The following SPOCK1 variants were observed in gnomAD, a reference collection of about 807,000 sequenced individuals.
The protein encoded by SPOCK1 is SPARC (osteonectin), cwcv and kazal like domains proteoglycan 1.
SPOCK1 carries 23 observed loss-of-function variants against 55.3 expected under a neutral mutation model. The observed-to-expected ratio is 0.42, with a 90% CI of 0.30 to 0.59. The LOEUF (loss-of-function observed/expected upper bound fraction) is 0.59, where lower values mean the gene tolerates loss of function less well. SPOCK1 is among the 20% of genes least tolerant of loss of function. SPOCK1 has a pLI of 0.22. For synonymous variants in SPOCK1, 226 were observed against 221.0 expected (o/e 1.02, Z -0.20); for missense variants, 499 against 552.5 (o/e 0.90, Z 0.97).
At chr5:137,463,522 G>A (rs1407820162) in intron 2 of SPOCK1, among the ~76,000 whole-genome samples, 11 of 134,370 alleles carry the variant, frequency 8.2e-5, no homozygotes, top group African/African-American at 1.9e-4. Context: ...GCTGGCAAGG[G>A]TAGTGGGGGG....
chr5:137,405,987 C>T (rs1351757531), intron 2 of SPOCK1, among the ~76,000 whole-genome samples: 1 of 152,206 alleles, frequency 6.6e-6, no homozygotes, highest in African/African-American at 2.4e-5. Flanking sequence ...TGGAAGGCAG[C>T]CTGGCTCTGT....
Position 137,073,911 on chromosome 5 carries a change from C to T in SPOCK1, c.475-6082G>A, listed in dbSNP as rs148275225. 1.7e-4 allele frequency among the ~76,000 whole-genome samples: 26 copies of T among 152,276 alleles called. No individual in the cohort carries two copies. The East Asian group carries it at 3.5e-3, about 20-fold the overall frequency. ...AAATGCACACTTTCAATAAAACAAA[C>T]GGCAGTCACCCCTTAACAAAGGGAC... On this transcript the variant is annotated intron_variant, in intron 5 of 10. Transcript: ENST00000394945.
chr5:137,349,221 T>C (rs542929646), intron 2 of SPOCK1, among the ~76,000 whole-genome samples: 4 of 152,310 alleles, frequency 2.6e-5, no homozygotes, highest in African/African-American at 9.6e-5. Flanking sequence ...TACAGAGGGA[T>C]GGGATGGATA....
At chr5:136,985,324 G>T in intron 8 of SPOCK1, 122 bp from the exon 9 acceptor site, 2 of 964,474 alleles carry the variant, frequency 2.1e-6, no homozygotes, top group Non-Finnish European at 3.3e-6. Flanking sequence ...TGTTCCATAT[G>T]CTGTTACTAT....
intron 2 of SPOCK1, among the ~76,000 whole-genome samples, chr5:137,325,122 T>C (rs1211360884): frequency 1.3e-5 from 2 of 152,180 alleles, no homozygotes; most frequent in Non-Finnish European, 2.9e-5. Context: ...GGAAAGGTTT[T>C]TGGGATGGGG....
intron 6 of SPOCK1, among the ~76,000 whole-genome samples, chr5:137,023,232 C>A (rs932655375): frequency 6.6e-6 from 1 of 152,102 alleles, no homozygotes. Flanking sequence ...GTTCTTAGAA[C>A]TTTGATATAT....
At chr5:137,457,691 G>T (rs1310343322) in intron 2 of SPOCK1, among the ~76,000 whole-genome samples, 1 of 152,162 alleles carries the variant, frequency 6.6e-6, no homozygotes, top group African/African-American at 2.4e-5. Flanking sequence ...CAAATAGCGT[G>T]AAAGACATTG....
intron 6 of SPOCK1, among the ~76,000 whole-genome samples, chr5:137,017,080 G>A (rs907228027): frequency 6.6e-6 from 1 of 152,230 alleles, no homozygotes; most frequent in Non-Finnish European, 1.5e-5. Flanking sequence ...GGCCTCACAC[G>A]ACCTGCTGAG....
chr5:137,016,298 G>T (rs13158068), intron 6 of SPOCK1, among the ~76,000 whole-genome samples: 42,057 of 152,062 alleles, frequency 0.28, 6,671 homozygotes, highest in Non-Finnish European at 0.36. Flanking sequence ...CACATTGTCA[G>T]GCAGAATAAA....
chr5:137,147,062 C>G (rs1307041301), intron 3 of SPOCK1, among the ~76,000 whole-genome samples: 1 of 152,088 alleles, frequency 6.6e-6, no homozygotes, highest in Non-Finnish European at 1.5e-5. Context: ...AAGATAAAAG[C>G]ATCTTCTCTG....
chr5:137,166,156 C>A (rs1173702599), intron 3 of SPOCK1, among the ~76,000 whole-genome samples: 1 of 152,054 alleles, frequency 6.6e-6, no homozygotes, highest in Non-Finnish European at 1.5e-5. Context: ...AAGAGATGAT[C>A]CTAAAAGCAG....
intron 6 of SPOCK1, among the ~76,000 whole-genome samples, chr5:136,998,035 G>C (rs945294682): frequency 6.6e-6 from 1 of 151,526 alleles, no homozygotes; most frequent in Non-Finnish European, 1.5e-5. Context: ...TTAGCTCATA[G>C]CATCACTACA....
rs189184549 is a variant in SPOCK1 at position 137,134,447 on chromosome 5, C to T, written c.347+6133G>A. On this transcript the variant is annotated intron_variant, in intron 4 of 10. Transcript: ENST00000394945. ...CACAATCAGTGTAGGAATATAGCAC[C>T]AAGCTCTCACTGGCACCCTATCCAG... 1.9e-3 allele frequency among the ~76,000 whole-genome samples: 294 copies of T among 152,296 alleles called. 2 individuals are homozygous for T. Among genetic ancestry groups the T allele is most frequent in the African/African-American group, 6.9e-3 (286 of 41,552 alleles).
At chr5:137,095,783 A>G (rs1753135608) in intron 5 of SPOCK1, among the ~76,000 whole-genome samples, 1 of 152,214 alleles carries the variant, frequency 6.6e-6, no homozygotes, top group South Asian at 2.1e-4. Flanking sequence ...AGAAATTCCA[A>G]AGCAATAAAG....
chr5:137,279,111 G>A (rs1433646343), intron 2 of SPOCK1, among the ~76,000 whole-genome samples: 1 of 152,100 alleles, frequency 6.6e-6, no homozygotes, highest in East Asian at 1.9e-4. Context: ...TATAAGCACT[G>A]GGGAGCCCCT....
intron 3 of SPOCK1, among the ~76,000 whole-genome samples, chr5:137,226,346 C>G (rs1412411803): frequency 6.6e-6 from 1 of 152,212 alleles, no homozygotes; most frequent in Non-Finnish European, 1.5e-5. Context: ...CCAAACTAAT[C>G]TGTTTAACAC....
chr5:137,268,738 C>G (rs1035168382), intron 2 of SPOCK1, among the ~76,000 whole-genome samples: 1 of 152,166 alleles, frequency 6.6e-6, no homozygotes, highest in South Asian at 2.1e-4. Flanking sequence ...AAGGATCAAC[C>G]GTTCATCCTT....
chr5:137,057,831 G>A (rs913096836), intron 6 of SPOCK1, among the ~76,000 whole-genome samples: 8 of 152,158 alleles, frequency 5.3e-5, no homozygotes, highest in Admixed American at 4.6e-4. Flanking sequence ...ATGGATAGCA[G>A]GGCAATGGAA....
At chr5:137,325,700 GGACA>G in intron 2 of SPOCK1, among the ~76,000 whole-genome samples, 1 of 152,280 alleles carries the variant, frequency 6.6e-6, no homozygotes. Context: ...TGGGGGAGAT[GGACA>G]GACAAACTCA....
Sources: gnomAD v4.1 joint callset for allele counts (sites outside exome capture counted in the v4.1 genomes callset) on GRCh38, gnomAD v4.1.1 for gene constraint, MANE v1.5 for transcripts, NCBI Gene and HGNC (gene_info 2026-07-23, HGNC 2026-07-21) for gene names.